Variants in PLPPR1 observed in about 807,000 individuals in gnomAD.
PLPPR1 encodes phospholipid phosphatase-related protein type 1.
A neutral mutation model predicts 33.1 loss-of-function variants in PLPPR1; 10 were observed. That is an observed-to-expected ratio of 0.30 (90% CI 0.19 to 0.51). The LOEUF (loss-of-function observed/expected upper bound fraction) is 0.51, where lower values mean the gene tolerates loss of function less well. Ranked by LOEUF, PLPPR1 falls within the 20% of genes least tolerant of loss-of-function variation. PLPPR1 has a pLI of 0.97. For synonymous variants in PLPPR1, 151 were observed against 151.0 expected, an observed-to-expected ratio of 1.00 and a Z score of 0.00; for missense variants, 304 against 408.1, an observed-to-expected ratio of 0.74 and a Z score of 2.20.
chr9:101,245,268 A>G (rs1042818279), intron 2 of PLPPR1, among the ~76,000 whole-genome samples: 3 of 152,040 alleles, frequency 2.0e-5, no homozygotes, highest in Non-Finnish European at 4.4e-5. Context: ...CAATTTAAAC[A>G]ATGAAAATAA....
chr9:101,183,309 G>C (rs1298947143), intron 1 of PLPPR1, among the ~76,000 whole-genome samples: 1 of 151,692 alleles, frequency 6.6e-6, no homozygotes, highest in Non-Finnish European at 1.5e-5. Context: ...CCATACAATG[G>C]AATATTATTC....
intron 1 of PLPPR1, among the ~76,000 whole-genome samples, chr9:101,174,544 T>A (rs1051821517): frequency 6.6e-6 from 1 of 152,170 alleles, no homozygotes; most frequent in Non-Finnish European, 1.5e-5. Context: ...CTCTGACTGA[T>A]CATGTGGCTC....
intron 2 of PLPPR1, among the ~76,000 whole-genome samples, chr9:101,223,565 A>G (rs1184818439): frequency 6.6e-6 from 1 of 152,090 alleles, no homozygotes; most frequent in Non-Finnish European, 1.5e-5. Flanking sequence ...CAAGGGAGAG[A>G]CCAGGTGGAG....
intron 1 of PLPPR1, among the ~76,000 whole-genome samples, chr9:101,153,295 G>T (rs1210132812): frequency 6.6e-6 from 1 of 152,142 alleles, no homozygotes; most frequent in Non-Finnish European, 1.5e-5. Context: ...GATTTTGGGT[G>T]GAGAGGATGG....
At chr9:101,266,657 G>T (rs1365757788) in intron 2 of PLPPR1, among the ~76,000 whole-genome samples, 3 of 151,982 alleles carry the variant, frequency 2.0e-5, no homozygotes, top group Non-Finnish European at 4.4e-5. Context: ...GCTGCTTCCG[G>T]GATTAAATCA....
intron 1 of PLPPR1, among the ~76,000 whole-genome samples, chr9:101,141,130 A>G (rs956040766): frequency 6.6e-6 from 1 of 152,170 alleles, no homozygotes; most frequent in Non-Finnish European, 1.5e-5. Context: ...AATAAACATT[A>G]ATTACCAACC....
intron 2 of PLPPR1, among the ~76,000 whole-genome samples, chr9:101,220,844 C>T (rs941892476): frequency 6.6e-6 from 1 of 152,234 alleles, no homozygotes; most frequent in African/African-American, 2.4e-5. Flanking sequence ...AATCAAGGCT[C>T]TACCCTGGAG....
intron 3 of PLPPR1, among the ~76,000 whole-genome samples, chr9:101,281,598 T>C (rs1279334633): frequency 6.6e-6 from 1 of 151,328 alleles, no homozygotes; most frequent in African/African-American, 2.4e-5. Flanking sequence ...ACCCAGAAAT[T>C]AATAAAATAA....
At position 101,245,028 on chromosome 9, in the gene PLPPR1, A is replaced by C. The variant is rs1827561044; in HGVS notation, c.64-24852A>C. 2.0e-5 allele frequency among the ~76,000 whole-genome samples: 3 copies of C among 152,028 alleles called. No individual in the cohort carries two copies. The South Asian group carries it at 6.2e-4, about 31-fold the overall frequency. ...TTACTAGCTGAAAGACTACACCAAGAATGGATCCTGTGAGTAGTTAAGAAT... is the reference window on the plus strand; with the variant it reads ...TTACTAGCTGAAAGACTACACCAAGCATGGATCCTGTGAGTAGTTAAGAAT... On this transcript the variant is annotated intron_variant, in intron 2 of 7. Coordinates refer to ENST00000374874, the MANE Select transcript of PLPPR1 (RefSeq NM_207299.2).
At chr9:101,221,929 T>A (rs1023656338) in intron 2 of PLPPR1, among the ~76,000 whole-genome samples, 2 of 152,136 alleles carry the variant, frequency 1.3e-5, no homozygotes, top group African/African-American at 2.4e-5. Flanking sequence ...GGAAAGAAAA[T>A]AGGAAAAAGA....
chr9:101,101,145 G>A (rs1830893104), intron 1 of PLPPR1, among the ~76,000 whole-genome samples: 1 of 152,014 alleles, frequency 6.6e-6, no homozygotes, highest in Non-Finnish European at 1.5e-5. Context: ...CTTTACCAAT[G>A]GTTCTTGACT....
At chr9:101,271,920 T>G (rs1468043230) in intron 3 of PLPPR1, among the ~76,000 whole-genome samples, 1 of 152,092 alleles carries the variant, frequency 6.6e-6, no homozygotes, top group Non-Finnish European at 1.5e-5. Context: ...GGGAAGGAAA[T>G]GGATTAATAA....
At chr9:101,156,427 G>C (rs932648019) in intron 1 of PLPPR1, among the ~76,000 whole-genome samples, 1 of 151,750 alleles carries the variant, frequency 6.6e-6, no homozygotes, top group African/African-American at 2.4e-5. Flanking sequence ...GTGTCTGCCT[G>C]TGGTCCCAAC....
At chr9:101,226,952 C>T (rs754625692) in intron 2 of PLPPR1, among the ~76,000 whole-genome samples, 10 of 152,170 alleles carry the variant, frequency 6.6e-5, no homozygotes, top group South Asian at 2.1e-4. Flanking sequence ...TGTGAGGTAG[C>T]GGAACCTGAA....
At chr9:101,155,217 A>G (rs1831663024) in intron 1 of PLPPR1, among the ~76,000 whole-genome samples, 1 of 152,186 alleles carries the variant, frequency 6.6e-6, no homozygotes, top group African/African-American at 2.4e-5. Context: ...ATATTTATTG[A>G]TGCCTTCTCT....
At chr9:101,298,637 G>A (rs925288690) in intron 4 of PLPPR1, among the ~76,000 whole-genome samples, 7 of 151,856 alleles carry the variant, frequency 4.6e-5, no homozygotes, top group African/African-American at 1.5e-4. Context: ...CTGGGGGGCC[G>A]GTCATGTTCA....
At chr9:101,086,966 G>A (rs1453587093) in intron 1 of PLPPR1, among the ~76,000 whole-genome samples, 1 of 152,120 alleles carries the variant, frequency 6.6e-6, no homozygotes, top group Non-Finnish European at 1.5e-5. Context: ...ATCACTTGAG[G>A]TCAGGAGTTT....
intron 1 of PLPPR1, among the ~76,000 whole-genome samples, chr9:101,054,665 G>C (rs956526883): frequency 6.6e-6 from 1 of 152,156 alleles, no homozygotes; most frequent in Non-Finnish European, 1.5e-5. Flanking sequence ...TTGTTCCAGG[G>C]CCTTTCCAAG....
chr9:101,188,686 G>T (rs1050188795), intron 2 of PLPPR1, among the ~76,000 whole-genome samples: 3 of 151,180 alleles, frequency 2.0e-5, no homozygotes, highest in African/African-American at 7.3e-5. Context: ...TACTTAATTT[G>T]GTTTAATCCC....
Sources: allele counts gnomAD v4.1 joint callset (sites outside exome capture counted in the v4.1 genomes callset), GRCh38; gene constraint gnomAD v4.1.1; transcripts MANE v1.5; gene names NCBI Gene and HGNC (gene_info 2026-07-23, HGNC 2026-07-21).